CRYZL1: variants seen among roughly 807,000 people sequenced by gnomAD.
CRYZL1 encodes the protein crystallin zeta like 1, also known as ferry endosomal RAB5 effector complex subunit 4.
Under a neutral mutation model 50.6 loss-of-function variants are expected in CRYZL1, and 34 were observed. That is an observed-to-expected ratio of 0.67 (90% confidence interval 0.51 to 0.89). The LOEUF is 0.89. CRYZL1 is among the 40% of genes least tolerant of loss of function. The pLI, the probability that CRYZL1 is intolerant of heterozygous loss-of-function variation, is 0.00. For missense variants in CRYZL1, 354 were observed against 402.3 expected (o/e 0.88, Z 1.03); for synonymous variants, 125 against 134.3 (o/e 0.93, Z 0.48).
intron 10 of CRYZL1, among the ~76,000 whole-genome samples, chr21:33,596,543 C>G (rs183843117): frequency 2.0e-5 from 3 of 152,112 alleles, no homozygotes; most frequent in Admixed American, 6.5e-5. Flanking sequence ...GAGGCTGAGG[C>G]AGGAGAATCG....
chr21:33,606,865 G>T (rs540617099), intron 6 of CRYZL1, among the ~76,000 whole-genome samples: 54 of 151,816 alleles, frequency 3.6e-4, no homozygotes, highest in Non-Finnish European at 6.6e-4. Context: ...CAAAAAATTA[G>T]TCAGGCGTGG....
At chr21:33,638,680 G>C (rs1254623599) in intron 1 of CRYZL1, among the ~76,000 whole-genome samples, 1 of 152,198 alleles carries the variant, frequency 6.6e-6, no homozygotes, top group Non-Finnish European at 1.5e-5. Context: ...GTGCTCTTTT[G>C]TGCCTGTTAT....
intron 11 of CRYZL1, 92 bp downstream of exon 11, chr21:33,595,639 A>G: frequency 6.4e-7 from 1 of 1,558,268 alleles, no homozygotes; most frequent in Non-Finnish European, 8.7e-7. Context: ...AGGAAACTTA[A>G]CTGCTATTAT....
At chr21:33,615,916 G>A (rs1366641928) in intron 5 of CRYZL1, among the ~76,000 whole-genome samples, 1 of 152,172 alleles carries the variant, frequency 6.6e-6, no homozygotes, top group East Asian at 1.9e-4. Flanking sequence ...CTATAAAACT[G>A]TTCTACAGCT....
At chr21:33,620,011 G>C in intron 4 of CRYZL1, among the ~76,000 whole-genome samples, 1 of 152,156 alleles carries the variant, frequency 6.6e-6, no homozygotes, top group South Asian at 2.1e-4. Flanking sequence ...AACCGTTTAA[G>C]GGCAAGGAGT....
chr21:33,601,359 G>A (rs905196968), intron 8 of CRYZL1, among the ~76,000 whole-genome samples: 6 of 152,020 alleles, frequency 3.9e-5, no homozygotes, highest in African/African-American at 1.2e-4. Context: ...ATGTAACAGT[G>A]GAAATAATGT....
At chr21:33,597,716 C>A (rs868852721) in intron 9 of CRYZL1, among the ~76,000 whole-genome samples, 1 of 152,148 alleles carries the variant, frequency 6.6e-6, no homozygotes, top group Non-Finnish European at 1.5e-5. Context: ...GGGTTCACGC[C>A]ATCCTCCTGC....
intron 4 of CRYZL1, among the ~76,000 whole-genome samples, chr21:33,621,363 CAG>C (rs1170659841): frequency 6.7e-6 from 1 of 148,418 alleles, no homozygotes; most frequent in Non-Finnish European, 1.5e-5. Flanking sequence ...TTTTTTGAGA[CAG>C]AGTCTCGCAC....
chr21:33,613,102 A>T (rs1161217552), intron 6 of CRYZL1, among the ~76,000 whole-genome samples: 1 of 152,230 alleles, frequency 6.6e-6, no homozygotes, highest in East Asian at 1.9e-4. Flanking sequence ...CTGGGATTAC[A>T]GGTGTGAGCC....
rs2086619195 is a variant in CRYZL1, at chr21:33,589,461, T to G, written c.*361A>C. 1 of 361,532 alleles carries G rather than the reference T, an allele frequency of 2.8e-6. No homozygotes were observed. The allele number at this position is 361,532 out of a possible 1,614,324, so 22.4% of individuals were successfully genotyped here. A position where few individuals can be genotyped will look rare whatever the true frequency, so the allele number is the denominator to read the frequency against. ...AGTTGATACAAAATTAATACGTTAC[T>G]TTGATAGCTTAGCAAAGGCCTGCAA... is the stretch of plus-strand genomic sequence containing the variant. On this transcript the variant is annotated 3_prime_UTR_variant, in exon 13 of 13. Transcript: ENST00000381554.
In CRYZL1 at chr21:33,589,752, T is replaced by G. The variant is rs530452800; in HGVS notation, c.*70A>C. The stretch of plus-strand genomic sequence containing the variant: ...TATCTTCCTTGGTTTTTCTCAACAA[T>G]TTCCAAAGAAAATTCTGGCTTCAAA... On this transcript the variant is annotated 3_prime_UTR_variant, in exon 13 of 13. Transcript: ENST00000381554. 22 of 1,039,836 alleles carry G rather than the reference T, an allele frequency of 2.1e-5. No homozygotes were observed. In the Admixed American group the frequency reaches 4.5e-4, roughly 21 times the overall value. The allele number at this position is 1,039,836 out of a possible 1,614,324, so 64.4% of individuals were successfully genotyped here.
At chr21:33,613,343 A>G (rs1340762569) in intron 6 of CRYZL1, among the ~76,000 whole-genome samples, 195 bp downstream of exon 6, 2 of 152,250 alleles carry the variant, frequency 1.3e-5, no homozygotes, top group Non-Finnish European at 2.9e-5. Context: ...TAGTCTGAAT[A>G]TGAATTTTAT....
chr21:33,619,304 G>A (rs2086969185), intron 4 of CRYZL1, among the ~76,000 whole-genome samples: 1 of 152,112 alleles, frequency 6.6e-6, no homozygotes, highest in African/African-American at 2.4e-5. Flanking sequence ...GGACTTTGCT[G>A]TTTCTTGCCT....
At chr21:33,613,359 C>T (rs1311125531) in intron 6 of CRYZL1, among the ~76,000 whole-genome samples, 179 bp downstream of exon 6, 2 of 152,092 alleles carry the variant, frequency 1.3e-5, no homozygotes, top group African/African-American at 4.8e-5. Flanking sequence ...TTTATGAATA[C>T]TAATTATAAG....
chr21:33,591,052 T>C (rs2086638440), intron 12 of CRYZL1, 110 bp downstream of exon 12: 3 of 769,414 alleles, frequency 3.9e-6, no homozygotes, highest in Non-Finnish European at 4.6e-6. Context: ...TAATAAAATA[T>C]GGAGGCAACA....
At chr21:33,613,172 C>G (rs1250493530) in intron 6 of CRYZL1, among the ~76,000 whole-genome samples, 3 of 152,088 alleles carry the variant, frequency 2.0e-5, no homozygotes, top group African/African-American at 7.2e-5. Flanking sequence ...TCTCCATGTA[C>G]TGTCTAAATT....
Position 33,589,542 on chromosome 21 carries a change from A to T in CRYZL1, c.*280T>A, listed in dbSNP as rs1569078889. Reference sequence around the variant, plus strand: ...CTGAAAGCAGCAGTTTTCTTCATGGAAGGAATTTTATAGCAGGGGCAAAAT... The same window carrying T: ...CTGAAAGCAGCAGTTTTCTTCATGGTAGGAATTTTATAGCAGGGGCAAAAT... On this transcript the variant is annotated 3_prime_UTR_variant, in exon 13 of 13. Coordinates refer to ENST00000381554, the MANE Select transcript of CRYZL1 (RefSeq NM_145858.3). The T allele has an allele frequency of 2.1e-6, 1 of 473,196 alleles. No individual in the cohort carries two copies. Among genetic ancestry groups the T allele is most frequent in the African/African-American group, 2.0e-5 (1 of 49,592 alleles). 29.3% of individuals were successfully genotyped at this position (473,196 alleles called of 1,614,324 possible). A position where few individuals can be genotyped will look rare whatever the true frequency, so the allele number is the denominator to read the frequency against.
chr21:33,604,052 ACCATCCTGACTG>A (rs2086784299), intron 6 of CRYZL1, among the ~76,000 whole-genome samples: 6 of 151,240 alleles, frequency 4.0e-5, no homozygotes, highest in Admixed American at 3.3e-4. Flanking sequence ...GGAGATCGAG[ACCATCCTGACTG>A]ACACGGTGAA....
intron 5 of CRYZL1, among the ~76,000 whole-genome samples, chr21:33,613,899 G>A (rs1376554268): frequency 2.0e-5 from 3 of 152,132 alleles, no homozygotes; most frequent in African/African-American, 7.2e-5. Context: ...TGGGCTGGGC[G>A]TGGTGGCTCA....
Sources: allele counts gnomAD v4.1 joint callset (sites outside exome capture counted in the v4.1 genomes callset), GRCh38; gene constraint gnomAD v4.1.1; transcripts MANE v1.5; gene names NCBI Gene and HGNC (gene_info 2026-07-23, HGNC 2026-07-21).